NSMCE1: variants seen among roughly 807,000 people sequenced by gnomAD.
NSMCE1 encodes non-structural maintenance of chromosomes element 1 homolog.
NSMCE1 carries 18 observed loss-of-function variants against 29.6 expected under a neutral mutation model. The ratio of observed to expected loss-of-function variants is 0.61; its 90% CI spans 0.42 to 0.90. The LOEUF (loss-of-function observed/expected upper bound fraction) is 0.90, where lower values mean the gene tolerates loss of function less well. NSMCE1 is among the 40% of genes least tolerant of loss of function. NSMCE1 has a pLI of 0.00. For missense variants in NSMCE1, 314 were observed against 343.6 expected (o/e 0.91, Z 0.68); for synonymous variants, 124 against 133.4 (o/e 0.93, Z 0.49).
intron 2 of NSMCE1, among the ~76,000 whole-genome samples, chr16:27,248,405 G>GTTTTTTTTTTT (rs2083980550): frequency 9.6e-6 from 1 of 103,650 alleles, no homozygotes. Flanking sequence ...GTTTTAGTTT[G>GTTTTTTTTTTT]CTTTTTTTTT....
At position 27,238,671 on chromosome 16, in the gene NSMCE1, A is replaced by C. The variant is rs548665597; in HGVS notation, c.137-3372T>G. On this transcript the variant is annotated intron_variant, in intron 2 of 7. Transcript: ENST00000361439. Reference sequence around the variant, plus strand: ...ACCAGAGATTAGGGCAGCCAGGAGTAGACAGAGAACCCCTATCAGCCAGAC... The same window carrying C: ...ACCAGAGATTAGGGCAGCCAGGAGTCGACAGAGAACCCCTATCAGCCAGAC... 2.6e-5 allele frequency among the ~76,000 whole-genome samples: 4 copies of C among 152,200 alleles called. No homozygotes were observed. In the South Asian group the frequency reaches 8.3e-4, roughly 32 times the overall value.
intron 3 of NSMCE1, among the ~76,000 whole-genome samples, chr16:27,234,498 G>C (rs759972952): frequency 6.6e-5 from 10 of 152,224 alleles, no homozygotes; most frequent in Non-Finnish European, 1.3e-4. Context: ...AGGGTGTGCA[G>C]TATTTTCCAA....
chr16:27,235,663 G>A (rs1026676419), intron 2 of NSMCE1, among the ~76,000 whole-genome samples: 3 of 152,304 alleles, frequency 2.0e-5, no homozygotes, highest in African/African-American at 7.2e-5. Context: ...AGCTCCCGCC[G>A]CACAAACATC....
At chr16:27,225,653 AG>A in intron 7 of NSMCE1, 72 bp downstream of exon 7, 3 of 1,588,464 alleles carry the variant, frequency 1.9e-6, no homozygotes, top group Non-Finnish European at 2.6e-6. Context: ...CCTGTCTCCA[AG>A]GGCTTCCCTG....
rs1166070119 is a variant in NSMCE1, at chr16:27,251,159, A to AATATATATAT, written c.136+6266_136+6275dup. On this transcript the variant is annotated intron_variant, in intron 2 of 7. Coordinates refer to ENST00000361439, the MANE Select transcript of NSMCE1 (RefSeq NM_145080.4). The stretch of plus-strand genomic sequence containing the variant: ...CCCAGCCTTAATTTTAATTATTTAA[A>AATATATATAT]ATATATATATATATATATATATATA... Among the ~76,000 whole-genome samples the AATATATATAT allele has an allele frequency of 5.3e-3, 349 of 65,698 alleles. 3 individuals are homozygous for AATATATATAT. The highest frequency in any genetic ancestry group is 0.013 in the East Asian group (19 of 1,434). 43.1% of individuals were successfully genotyped at this position (65,698 alleles called of 152,430 possible).
chr16:27,256,619 C>A (rs375358896), intron 2 of NSMCE1, among the ~76,000 whole-genome samples: 17 of 152,222 alleles, frequency 1.1e-4, no homozygotes, highest in African/African-American at 4.1e-4. Flanking sequence ...CACAACTCAA[C>A]AATATCTGCC....
At chr16:27,240,816 T>TA (rs1302015962) in intron 2 of NSMCE1, among the ~76,000 whole-genome samples, 1 of 152,194 alleles carries the variant, frequency 6.6e-6, no homozygotes, top group Non-Finnish European at 1.5e-5. Context: ...CTTACACCTG[T>TA]AATCACAGTA....
At chr16:27,265,161 C>CTTTTTTTTTTTTTTTT (rs5816427) in intron 1 of NSMCE1, among the ~76,000 whole-genome samples, 3 of 82,672 alleles carry the variant, frequency 3.6e-5, no homozygotes, top group African/African-American at 4.8e-5. Flanking sequence ...AATTCTTTTC[C>CTTTTTTTTTTTTTTTT]TTTTTTTTTT....
chr16:27,245,030 C>T (rs2083939792), intron 2 of NSMCE1, among the ~76,000 whole-genome samples: 1 of 152,156 alleles, frequency 6.6e-6, no homozygotes, highest in African/African-American at 2.4e-5. Context: ...CTGATAGTCA[C>T]CCCCCACCAC....
At chr16:27,230,002 AGAC>A (rs1392966498) in intron 5 of NSMCE1, among the ~76,000 whole-genome samples, 1 of 152,220 alleles carries the variant, frequency 6.6e-6, no homozygotes, top group Non-Finnish European at 1.5e-5. Context: ...TAGCCCTCAA[AGAC>A]GACGACAGCC....
intron 2 of NSMCE1, among the ~76,000 whole-genome samples, chr16:27,245,735 A>G (rs77056450): frequency 2.0e-5 from 3 of 152,116 alleles, no homozygotes; most frequent in African/African-American, 7.2e-5. Flanking sequence ...TTTCATACTC[A>G]TTTTTTGCCA....
At chr16:27,257,405 G>A (rs774872263) in intron 2 of NSMCE1, 30 bp downstream of exon 2, 2 of 1,584,568 alleles carry the variant, frequency 1.3e-6, no homozygotes, top group Non-Finnish European at 1.7e-6. Flanking sequence ...CAGCACCAGA[G>A]CGCCCTGGGA....
At chr16:27,265,015 G>C (rs1210149460) in intron 1 of NSMCE1, among the ~76,000 whole-genome samples, 1 of 152,018 alleles carries the variant, frequency 6.6e-6, no homozygotes, top group Admixed American at 6.6e-5. Context: ...ACAGAAAAAA[G>C]ATGCTCAATC....
intron 3 of NSMCE1, 99 bp from the exon 4 acceptor site, chr16:27,234,364 T>G: frequency 5.0e-6 from 4 of 806,494 alleles, no homozygotes; most frequent in Non-Finnish European, 8.9e-6. Context: ...CTCTGGCCAG[T>G]CACTGAGCTC....
intron 5 of NSMCE1, among the ~76,000 whole-genome samples, chr16:27,231,930 C>G (rs747630745): frequency 1.3e-5 from 2 of 152,180 alleles, no homozygotes; most frequent in Non-Finnish European, 2.9e-5. Flanking sequence ...TACGGGAACG[C>G]GCCCAGCAGA....
At chr16:27,236,489 G>A (rs1268264444) in intron 2 of NSMCE1, among the ~76,000 whole-genome samples, 1 of 151,874 alleles carries the variant, frequency 6.6e-6, no homozygotes, top group African/African-American at 2.4e-5. Flanking sequence ...TAGAGATGGG[G>A]TTTTACCATG....
intron 6 of NSMCE1, 67 bp from the exon 7 acceptor site, chr16:27,225,913 A>G: frequency 6.3e-7 from 1 of 1,594,536 alleles, no homozygotes; most frequent in Non-Finnish European, 8.5e-7. Context: ...ACCTCCGGGG[A>G]AGCCACAAGG....
At chr16:27,246,739 T>C (rs544513646) in intron 2 of NSMCE1, among the ~76,000 whole-genome samples, 30 of 152,300 alleles carry the variant, frequency 2.0e-4, no homozygotes, top group African/African-American at 7.2e-4. Context: ...ATCCACCTGC[T>C]GCAGCCTCCC....
At chr16:27,230,154 C>T (rs7191348) in intron 5 of NSMCE1, among the ~76,000 whole-genome samples, 2,063 of 152,320 alleles carry the variant, frequency 0.014, 42 homozygotes, top group African/African-American at 0.047. Context: ...GAGGCCTCCC[C>T]GCTGACCCCA....
Sources: gnomAD v4.1 joint callset for allele counts (sites outside exome capture counted in the v4.1 genomes callset) on GRCh38, gnomAD v4.1.1 for gene constraint, MANE v1.5 for transcripts, NCBI Gene and HGNC (gene_info 2026-07-23, HGNC 2026-07-21) for gene names.